Variants in RBFOX1 observed in about 807,000 individuals in gnomAD.
RBFOX1 encodes the protein RNA binding protein fox-1 homolog 1.
Under a neutral mutation model 57.7 loss-of-function variants are expected in RBFOX1, and 8 were observed. The ratio of observed to expected loss-of-function variants is 0.14; its 90% CI spans 0.08 to 0.25. The LOEUF is 0.25. Among genes scored for constraint, RBFOX1 ranks in the 10% least tolerant of loss-of-function variants. The pLI is 1.00. For missense variants in RBFOX1, 611 were observed against 548.5 expected (o/e 1.11, Z -1.14); for synonymous variants, 326 against 222.4 (o/e 1.47, Z -4.15).
At chr16:6,375,824 C>G (rs1451337317) in intron 2 of RBFOX1, among the ~76,000 whole-genome samples, 1 of 152,160 alleles carries the variant, frequency 6.6e-6, no homozygotes, top group Non-Finnish European at 1.5e-5. Context: ...TATCCCTTCT[C>G]TCTCCTGTCC....
intron 4 of RBFOX1, among the ~76,000 whole-genome samples, chr16:5,893,369 A>G (rs796661084): frequency 1.3e-5 from 2 of 152,374 alleles, no homozygotes; most frequent in African/African-American, 2.4e-5. Context: ...CAGGGAGACT[A>G]TAGTCAAAAA....
intron 4 of RBFOX1, among the ~76,000 whole-genome samples, chr16:7,256,755 A>G (rs531144438): frequency 6.6e-6 from 1 of 152,264 alleles, no homozygotes; most frequent in Non-Finnish European, 1.5e-5. Context: ...TGTCAGTAAT[A>G]CGGTTGTCCT....
At chr16:6,821,444 G>T (rs1050865755) in intron 3 of RBFOX1, among the ~76,000 whole-genome samples, 3 of 152,138 alleles carry the variant, frequency 2.0e-5, no homozygotes, top group African/African-American at 7.2e-5. Context: ...GAACAATTCA[G>T]TGGCACATAG....
At chr16:6,855,401 C>G (rs1434156848) in intron 3 of RBFOX1, among the ~76,000 whole-genome samples, 1 of 152,020 alleles carries the variant, frequency 6.6e-6, no homozygotes, top group East Asian at 1.9e-4. Flanking sequence ...CCTGTAATCC[C>G]AGCACTTTGG....
intron 4 of RBFOX1, among the ~76,000 whole-genome samples, chr16:7,489,174 T>C (rs1302125920): frequency 6.6e-6 from 1 of 152,202 alleles, no homozygotes; most frequent in Non-Finnish European, 1.5e-5. Flanking sequence ...GTTTGTCCTT[T>C]TGTTTCTCCT....
intron 3 of RBFOX1, among the ~76,000 whole-genome samples, chr16:5,820,386 G>A (rs1270596401): frequency 3.9e-5 from 6 of 152,138 alleles, no homozygotes; most frequent in Non-Finnish European, 1.5e-5. Flanking sequence ...GATGACATTG[G>A]AGAAGAGGTG....
At chr16:7,028,857 G>A (rs757810765) in intron 3 of RBFOX1, among the ~76,000 whole-genome samples, 4 of 150,586 alleles carry the variant, frequency 2.7e-5, no homozygotes, top group Non-Finnish European at 4.4e-5. Flanking sequence ...TGTGGGCATC[G>A]CTTGGATCTG....
chr16:6,374,724 C>T (rs763768102), intron 2 of RBFOX1, among the ~76,000 whole-genome samples: 13 of 152,264 alleles, frequency 8.5e-5, no homozygotes, highest in South Asian at 6.2e-4. Flanking sequence ...ACTGTTATTG[C>T]CACTGGCTGG....
intron 4 of RBFOX1, among the ~76,000 whole-genome samples, chr16:7,482,466 C>G (rs572648382): frequency 5.3e-5 from 7 of 131,640 alleles, no homozygotes; most frequent in East Asian, 2.2e-4. Context: ...TCCATTTCAT[C>G]CCAGTTGTTG....
At chr16:7,630,567 C>A (rs751297096) in intron 10 of RBFOX1, 36 bp from the exon 11 acceptor site, 1 of 1,612,942 alleles carries the variant, frequency 6.2e-7, no homozygotes, top group East Asian at 2.2e-5. Flanking sequence ...TGTACCGATT[C>A]CCAAACCAGA....
intron 4 of RBFOX1, among the ~76,000 whole-genome samples, chr16:7,123,622 C>T (rs1450722837): frequency 1.3e-5 from 2 of 152,142 alleles, no homozygotes; most frequent in African/African-American, 2.4e-5. Context: ...GCCTCAACTT[C>T]TCAGAGTGCT....
At chr16:6,559,153 A>G (rs2097145266) in intron 2 of RBFOX1, among the ~76,000 whole-genome samples, 1 of 149,866 alleles carries the variant, frequency 6.7e-6, no homozygotes, top group African/African-American at 2.5e-5. Context: ...ATGTGTATAT[A>G]TATGACTGTT....
chr16:5,555,952 T>A (rs1597507905), intron 2 of RBFOX1, among the ~76,000 whole-genome samples: 1 of 151,776 alleles, frequency 6.6e-6, no homozygotes, highest in Admixed American at 6.6e-5. Flanking sequence ...ACCCTGGAGG[T>A]GGAGGTTGCA....
chr16:7,184,668 A>T (rs754757327), intron 4 of RBFOX1, among the ~76,000 whole-genome samples: 1 of 136,378 alleles, frequency 7.3e-6, no homozygotes, highest in Non-Finnish European at 1.5e-5. Flanking sequence ...ATACCTAAAC[A>T]GTTACAAACC....
Position 7,291,493 on chromosome 16 carries a change from A to G in RBFOX1, c.28-226654A>G, listed in dbSNP as rs558674167. Among the ~76,000 whole-genome samples the G allele has an allele frequency of 1.8e-3, 276 of 152,298 alleles. 2 individuals are homozygous for G. The highest frequency in any genetic ancestry group is 5.8e-3 in the African/African-American group (240 of 41,572). The stretch of plus-strand genomic sequence containing the variant: ...AGATGGAAGAGTTAAAAATGATACA[A>G]TTTGGGAACCAATTGACTATTCAGA... On this transcript the variant is annotated intron_variant, in intron 4 of 15. Coordinates refer to ENST00000550418, the MANE Select transcript of RBFOX1 (RefSeq NM_018723.4).
chr16:6,559,111 ATGTGTGTGTG>A (rs34909448), intron 2 of RBFOX1, among the ~76,000 whole-genome samples: 10,870 of 149,860 alleles, frequency 0.073, 884 homozygotes, highest in African/African-American at 0.21. Flanking sequence ...ATATATACAT[ATGTGTGTGTG>A]TGTGTGTGTG....
intron 3 of RBFOX1, among the ~76,000 whole-genome samples, chr16:6,744,128 A>T (rs933854405): frequency 1.3e-5 from 2 of 152,168 alleles, no homozygotes; most frequent in African/African-American, 4.8e-5. Flanking sequence ...AGAAAAATAC[A>T]TCAGGGATAA....
chr16:7,575,458 G>C (rs76180454), intron 5 of RBFOX1, among the ~76,000 whole-genome samples: 1,892 of 152,200 alleles, frequency 0.012, 51 homozygotes, highest in African/African-American at 0.043. Context: ...GAAGAAAAAG[G>C]AAGAGGGAAA....
chr16:6,985,879 T>C (rs1599203757), intron 3 of RBFOX1, among the ~76,000 whole-genome samples: 1 of 150,708 alleles, frequency 6.6e-6, no homozygotes, highest in Non-Finnish European at 1.5e-5. Flanking sequence ...CTTTTTCTTT[T>C]CTTTTTTTGC....
Sources: allele counts gnomAD v4.1 joint callset (sites outside exome capture counted in the v4.1 genomes callset), GRCh38; gene constraint gnomAD v4.1.1; transcripts MANE v1.5; gene names NCBI Gene and HGNC (gene_info 2026-07-23, HGNC 2026-07-21).